EZH2: variants seen among roughly 807,000 people sequenced by gnomAD.
EZH2 encodes the protein enhancer of zeste 2 polycomb repressive complex 2 subunit, also known as histone-lysine N-methyltransferase EZH2.
In EZH2, 18 loss-of-function variants were observed where a neutral mutation model predicts 98.4. The ratio of observed to expected loss-of-function variants is 0.18; its 90% confidence interval spans 0.13 to 0.27. The LOEUF (loss-of-function observed/expected upper bound fraction) is 0.27. EZH2 is among the 10% of genes least tolerant of loss of function. The pLI, the probability that EZH2 is intolerant of heterozygous loss-of-function variation, is 1.00. For missense variants in EZH2, 470 were observed against 935.1 expected (o/e 0.50, Z 6.49); for synonymous variants, 338 against 312.3 (o/e 1.08, Z -0.87).
chr7:148,816,160 A>C (rs1257239613), intron 12 of EZH2, among the ~76,000 whole-genome samples: 1 of 152,116 alleles, frequency 6.6e-6, no homozygotes, highest in Non-Finnish European at 1.5e-5. Flanking sequence ...CAGATAGTCC[A>C]CTCATCAATT....
intron 1 of EZH2, among the ~76,000 whole-genome samples, chr7:148,879,805 C>CAA (rs566200113): frequency 6.9e-6 from 1 of 145,572 alleles, no homozygotes. Flanking sequence ...GACTCCGTCT[C>CAA]AAAAAAAAAA....
chr7:148,808,842 T>G (rs1802261450), intron 19 of EZH2, among the ~76,000 whole-genome samples: 1 of 152,096 alleles, frequency 6.6e-6, no homozygotes, highest in African/African-American at 2.4e-5. Flanking sequence ...GGGTGAGAAA[T>G]GGGGCTTTCT....
chr7:148,841,773 TAAA>T (rs988215873), intron 3 of EZH2, among the ~76,000 whole-genome samples: 2 of 152,142 alleles, frequency 1.3e-5, no homozygotes, highest in African/African-American at 4.8e-5. Flanking sequence ...ACTAAATCAA[TAAA>T]AAATGCAATC....
intron 16 of EZH2, among the ~76,000 whole-genome samples, chr7:148,811,228 A>T (rs754981132): frequency 8.5e-5 from 13 of 152,078 alleles, no homozygotes; most frequent in Admixed American, 3.9e-4. Flanking sequence ...TGCAGCCTCA[A>T]CCTCCCAGGC....
chr7:148,807,854 C>A, intron 19 of EZH2, 148 bp from the exon 20 acceptor site: 1 of 615,790 alleles, frequency 1.6e-6, no homozygotes, highest in Non-Finnish European at 2.8e-6. Context: ...AATTACACAG[C>A]TGCCTGCATA....
chr7:148,812,600 A>G (rs994878947), intron 15 of EZH2, among the ~76,000 whole-genome samples: 4 of 152,240 alleles, frequency 2.6e-5, no homozygotes, highest in Non-Finnish European at 4.4e-5. Context: ...ATAGTTTAAC[A>G]TTTTTAAGAG....
intron 1 of EZH2, among the ~76,000 whole-genome samples, chr7:148,859,881 T>C (rs1196557297): frequency 6.6e-6 from 1 of 152,168 alleles, no homozygotes. Flanking sequence ...CATTCAAGAG[T>C]TGCTTGCTGG....
intron 5 of EZH2, 31 bp downstream of exon 5, chr7:148,829,697 C>G: frequency 6.3e-7 from 1 of 1,597,948 alleles, no homozygotes. Context: ...TCTTTAGCCC[C>G]TTTTTCCAAG....
chr7:148,811,551 T>C (rs1803093642), intron 16 of EZH2, 74 bp downstream of exon 16: 6 of 1,196,388 alleles, frequency 5.0e-6, no homozygotes, highest in Non-Finnish European at 7.3e-6. Flanking sequence ...CAGACTTACC[T>C]AATAAAATCA....
chr7:148,842,866 G>A (rs1812825340), intron 3 of EZH2, among the ~76,000 whole-genome samples: 1 of 151,956 alleles, frequency 6.6e-6, no homozygotes, highest in African/African-American at 2.4e-5. Context: ...AGGAGTTCGA[G>A]ACCAGCCTGG....
intron 3 of EZH2, among the ~76,000 whole-genome samples, chr7:148,840,671 T>A (rs1297828826): frequency 6.6e-6 from 1 of 152,152 alleles, no homozygotes; most frequent in Admixed American, 6.5e-5. Flanking sequence ...TTGGGTAGCT[T>A]ATGAAATCTG....
In EZH2 at chr7:148,814,951, T is replaced by G; in HGVS notation, c.1635A>C (p.Gln545His). Reference protein sequence around the residue: ...CDSSCPCVIAQNFCEKFCQCS... With the variant: ...CDSSCPCVIAHNFCEKFCQCS... ...ATTGACAAAACTTTTCACAAAAATT[T>G]TGTGCTATCACACAAGGGCACGAAC... Residue 545 changes from glutamine (Q) to histidine (H), a missense_variant, in exon 14 of 20, where the codon CAA becomes CAC. Gln to His is a conservative substitution (Grantham distance 24, BLOSUM62 0). This residue lies in a region of EZH2 where 106 missense variants were observed against 327.2 expected (regional missense o/e 0.32). Transcript: ENST00000320356. 2.5e-6 allele frequency: 4 copies of G among 1,613,602 alleles called. No individual in the cohort carries two copies. Among genetic ancestry groups the G allele is most frequent in the Non-Finnish European group, 3.4e-6 (4 of 1,179,998 alleles).
intron 15 of EZH2, 54 bp from the exon 16 acceptor site, chr7:148,811,774 G>T (rs942172367): frequency 4.1e-6 from 6 of 1,448,350 alleles, no homozygotes; most frequent in Middle Eastern, 1.7e-4. Context: ...AAATGGACTG[G>T]GGACAAAGTA....
chr7:148,837,681 A>G (rs1738262441), intron 3 of EZH2, among the ~76,000 whole-genome samples: 1 of 152,210 alleles, frequency 6.6e-6, no homozygotes, highest in Non-Finnish European at 1.5e-5. Flanking sequence ...GCAAAATAGG[A>G]GAAGGGAGAT....
At chr7:148,811,243 C>G (rs1478268799) in intron 16 of EZH2, among the ~76,000 whole-genome samples, 1 of 152,174 alleles carries the variant, frequency 6.6e-6, no homozygotes, top group East Asian at 1.9e-4. Flanking sequence ...CCAGGCTCTT[C>G]CAGGCTCAAG....
At chr7:148,821,758 C>G (rs945922478) in intron 8 of EZH2, among the ~76,000 whole-genome samples, 5 of 152,204 alleles carry the variant, frequency 3.3e-5, no homozygotes, top group African/African-American at 1.2e-4. Context: ...CTCAGGAAGT[C>G]AAGGTTGCAG....
At position 148,816,713 on chromosome 7, in the gene EZH2, A is replaced by G; in HGVS notation, c.1476T>C (p.Thr492=). ...GTTTCCTCTTCTTTTTCCTTGGAGG[A>G]GTATCCACATCCTCAGCGGGAGCTG... ...IAPAPAEDVD[T]PPRKKKRKHR... is the part of the protein sequence containing the mutation. The change falls in exon 12 of 20, where the codon ACT becomes ACC. Residue 492 remains threonine (T), a synonymous_variant. Transcript: ENST00000320356. The G allele has an allele frequency of 1.2e-6, 2 of 1,614,066 alleles. No homozygotes were observed. The highest frequency in any genetic ancestry group is 1.7e-6 in the Non-Finnish European group (2 of 1,179,962).
chr7:148,880,981 G>T (rs1264856716), intron 1 of EZH2, among the ~76,000 whole-genome samples: 2 of 152,190 alleles, frequency 1.3e-5, no homozygotes, highest in Non-Finnish European at 2.9e-5. Context: ...GGAATTCAGG[G>T]AAGACCTCCA....
chr7:148,810,123 C>T (rs917522783), intron 17 of EZH2: 22 of 441,540 alleles, frequency 5.0e-5, no homozygotes, highest in Admixed American at 3.6e-4. Context: ...GCCGGGACTC[C>T]AGAGAGGCGG....
Sources: allele counts gnomAD v4.1 joint callset (sites outside exome capture counted in the v4.1 genomes callset), GRCh38; gene constraint gnomAD v4.1.1; regional missense constraint gnomAD v4.1.1; transcripts MANE v1.5; gene names NCBI Gene and HGNC (gene_info 2026-07-23, HGNC 2026-07-21).